NAV2: variants seen among roughly 807,000 people sequenced by gnomAD.
NAV2 encodes the protein neuron navigator 2, also known as helicase, APC down-regulated 1.
A neutral mutation model predicts 223.2 loss-of-function variants in NAV2; 54 were observed. That is an observed-to-expected ratio of 0.24 (90% CI 0.19 to 0.30). NAV2 has a LOEUF of 0.30. Among genes scored for constraint, NAV2 ranks in the 10% least tolerant of loss-of-function variants. The pLI is 1.00. For synonymous variants in NAV2, 1,279 were observed against 1,239.3 expected (o/e 1.03, Z -0.67); for missense variants, 2,806 against 3,147.5 (o/e 0.89, Z 2.60).
intron 1 of NAV2, among the ~76,000 whole-genome samples, chr11:19,658,802 A>G (rs1565145210): frequency 1.3e-5 from 2 of 152,218 alleles, no homozygotes; most frequent in Non-Finnish European, 2.9e-5. Context: ...TCTACAAAGC[A>G]GGGGTTATTT....
Position 19,713,656 on chromosome 11 carries a change from T to C in NAV2, c.-40T>C. On this transcript the variant is annotated 5_prime_UTR_variant, in exon 1 of 38. Coordinates refer to ENST00000349880, the MANE Select transcript of NAV2 (RefSeq NM_145117.5). This position sits in a 1 kb window ranked among gnomAD's most constrained non-coding sequence, Gnocchi z 7.2. Reference sequence around the variant, plus strand: ...CTTTAGCGGTCGCCCCCGCCGCCGCTGCCAGGGACGTGCTGGGAAAGCCCA... The same window carrying C: ...CTTTAGCGGTCGCCCCCGCCGCCGCCGCCAGGGACGTGCTGGGAAAGCCCA... The C allele has an allele frequency of 6.7e-7, 1 of 1,500,038 alleles. No homozygotes were observed. Among genetic ancestry groups the C allele is most frequent in the Non-Finnish European group, 8.9e-7 (1 of 1,124,070 alleles). The allele number at this position is 1,500,038 out of a possible 1,614,324, so 92.9% of individuals were successfully genotyped here.
chr11:20,114,723 C>A lies in NAV2; in HGVS notation c.7092C>A (p.Asp2364Glu). ...TACGGCCTGAGGATGTCGGCTTCGA[C>A]GGCTACTCCATGCCTCGGGAGGGAT... is the stretch of plus-strand genomic sequence containing the variant. ...LQLRPEDVGF[D>E]GYSMPREGST... The change falls in exon 37 of 38, where the codon GAC (aspartate) becomes GAA (glutamate). Residue 2364 changes from aspartate (D) to glutamate (E), a missense_variant. Asp to Glu is a conservative substitution (Grantham distance 45, BLOSUM62 2). Coordinates refer to ENST00000349880, the MANE Select transcript of NAV2 (RefSeq NM_145117.5). 1 of 1,614,138 alleles carries A rather than the reference C, an allele frequency of 6.2e-7. No homozygotes were observed. Among genetic ancestry groups the A allele is most frequent in the Non-Finnish European group, 8.5e-7 (1 of 1,180,022 alleles).
chr11:19,941,570 T>G (rs1028476692), intron 8 of NAV2, among the ~76,000 whole-genome samples: 17 of 152,178 alleles, frequency 1.1e-4, no homozygotes, highest in African/African-American at 4.1e-4. Context: ...TAGTTCTTCC[T>G]CTTACTTATG....
intron 1 of NAV2, among the ~76,000 whole-genome samples, chr11:19,594,220 G>A (rs937813467): frequency 2.6e-5 from 4 of 152,130 alleles, no homozygotes; most frequent in African/African-American, 9.7e-5. Context: ...CCAGCAATGA[G>A]TAGAGGGACT....
intron 10 of NAV2, among the ~76,000 whole-genome samples, chr11:19,972,554 C>T (rs1376007551): frequency 6.6e-6 from 1 of 152,144 alleles, no homozygotes; most frequent in East Asian, 1.9e-4. Flanking sequence ...GCATAGAAAA[C>T]CATACACCGA....
intron 1 of NAV2, among the ~76,000 whole-genome samples, chr11:19,368,004 T>C (rs1353920830): frequency 6.6e-6 from 1 of 152,192 alleles, no homozygotes; most frequent in African/African-American, 2.4e-5. Context: ...ATGGCTCCCG[T>C]GTCATTCAGA....
At chr11:19,913,952 C>T (rs2153223580) in intron 6 of NAV2, among the ~76,000 whole-genome samples, 1 of 152,268 alleles carries the variant, frequency 6.6e-6, no homozygotes, top group South Asian at 2.1e-4. Context: ...TGGAAACTGC[C>T]TTTAACCTAG....
At chr11:20,076,410 A>G (rs2059757964) in intron 22 of NAV2, among the ~76,000 whole-genome samples, 1 of 152,176 alleles carries the variant, frequency 6.6e-6, no homozygotes, top group Non-Finnish European at 1.5e-5. Context: ...CAAATGCACA[A>G]TCTGGTGATC....
chr11:19,379,983 A>C (rs1264472815), intron 1 of NAV2, among the ~76,000 whole-genome samples: 2 of 151,758 alleles, frequency 1.3e-5, no homozygotes, highest in East Asian at 3.9e-4. Flanking sequence ...ATATATAATA[A>C]AATTATATAA....
intron 1 of NAV2, chr11:19,503,516 C>G (rs1199549312): frequency 6.6e-6 from 1 of 152,200 alleles, no homozygotes; most frequent in Non-Finnish European, 1.5e-5. Context: ...CATAGTTTGG[C>G]CTTCTCCAGA....
At chr11:19,461,955 G>A (rs760146978) in intron 1 of NAV2, among the ~76,000 whole-genome samples, 17 of 152,124 alleles carry the variant, frequency 1.1e-4, no homozygotes, top group East Asian at 3.9e-4. Context: ...ACAGGCACCC[G>A]CCATCACACC....
At chr11:19,603,046 TG>T (rs996137474) in intron 1 of NAV2, among the ~76,000 whole-genome samples, 1 of 152,114 alleles carries the variant, frequency 6.6e-6, no homozygotes, top group Non-Finnish European at 1.5e-5. Flanking sequence ...TTCTGCTCCG[TG>T]GGCAGAGGGT....
chr11:19,886,722 T>G (rs1487002279), intron 5 of NAV2, among the ~76,000 whole-genome samples: 1 of 152,096 alleles, frequency 6.6e-6, no homozygotes, highest in Non-Finnish European at 1.5e-5. Context: ...CGTGAATGAT[T>G]TGTTATCAGT....
At chr11:19,466,335 G>A (rs528676742) in intron 1 of NAV2, among the ~76,000 whole-genome samples, 21 of 152,248 alleles carry the variant, frequency 1.4e-4, no homozygotes, top group South Asian at 8.3e-4. Context: ...TGCCCCAATC[G>A]TGCCTGTCCC....
chr11:19,679,843 A>T (rs2048830156), intron 1 of NAV2, among the ~76,000 whole-genome samples: 1 of 152,228 alleles, frequency 6.6e-6, no homozygotes, highest in African/African-American at 2.4e-5. Context: ...AGTATCTAAC[A>T]TAGAACTTAA....
chr11:20,070,961 T>A (rs10766621), intron 22 of NAV2, among the ~76,000 whole-genome samples: 84,026 of 151,726 alleles, frequency 0.55, 24,070 homozygotes, highest in East Asian at 0.92. Flanking sequence ...TTTTTAAATT[T>A]TTTTTTTATT....
intron 1 of NAV2, among the ~76,000 whole-genome samples, chr11:19,645,153 A>G (rs776630650): frequency 1.5e-4 from 23 of 152,210 alleles, no homozygotes; most frequent in South Asian, 2.1e-4. Context: ...GGAGGCTCTA[A>G]AGAGGAATTC....
At chr11:20,104,816 T>G (rs2061904849) in intron 34 of NAV2, 1 of 152,196 alleles carries the variant, frequency 6.6e-6, no homozygotes, top group African/African-American at 2.4e-5. Context: ...CAGGATGAAA[T>G]CCAGACTCCG....
At chr11:20,032,902 G>T (rs1203346421) in intron 11 of NAV2, among the ~76,000 whole-genome samples, 7 of 152,204 alleles carry the variant, frequency 4.6e-5, no homozygotes. Flanking sequence ...GTGGTCCACC[G>T]AATGAACTTG....
Sources: allele counts gnomAD v4.1 joint callset (sites outside exome capture counted in the v4.1 genomes callset), GRCh38; gene constraint gnomAD v4.1.1; non-coding constraint Gnocchi (gnomAD v3.1); transcripts MANE v1.5; gene names NCBI Gene and HGNC (gene_info 2026-07-23, HGNC 2026-07-21).